CHD1L: variants seen among roughly 807,000 people sequenced by gnomAD.
CHD1L encodes the protein chromodomain helicase DNA binding protein 1 like.
Under a neutral mutation model 115.9 loss-of-function variants are expected in CHD1L, and 118 were observed. The ratio of observed to expected loss-of-function variants is 1.02; its 90% CI spans 0.88 to 1.19. The LOEUF is 1.19. Among genes scored for constraint, CHD1L ranks in the 50% most tolerant of loss-of-function variants. The probability of loss-of-function intolerance (pLI) is 0.00; values close to 1 mark genes in which losing one functional copy is unlikely to be tolerated. For missense variants in CHD1L, 1,179 were observed against 1,065.3 expected, an observed-to-expected ratio of 1.11 and a Z score of -1.49; for synonymous variants, 411 against 387.1, an observed-to-expected ratio of 1.06 and a Z score of -0.72.
intron 15 of CHD1L, among the ~76,000 whole-genome samples, chr1:147,280,676 AG>A (rs1553961401): frequency 6.6e-6 from 1 of 152,166 alleles, no homozygotes; most frequent in African/African-American, 2.4e-5. Flanking sequence ...CATGAGATGT[AG>A]GAGATGGTTT....
the CHD1L span, chr1:147,210,262 T>C: frequency 2.0e-5 from 3 of 152,212 alleles, no homozygotes; most frequent in African/African-American, 4.8e-5. Context: ...AAAATAAGAT[T>C]GCTAGTGGAA....
At chr1:147,197,467 C>T in the CHD1L span, among the ~76,000 whole-genome samples, 4 of 152,076 alleles carry the variant, frequency 2.6e-5, no homozygotes, top group Non-Finnish European at 5.9e-5. Flanking sequence ...TTTTGGGTCC[C>T]ACAATCCCCA....
the CHD1L span, among the ~76,000 whole-genome samples, chr1:147,206,235 T>C: frequency 1.3e-5 from 2 of 150,488 alleles, no homozygotes; most frequent in African/African-American, 2.5e-5. Context: ...TCACACCAGT[T>C]AGAATGGCGA....
Position 147,255,812 on chromosome 1 carries a change from G to T in CHD1L, c.348-1G>T. The stretch of plus-strand genomic sequence containing the variant: ...TTATCTACTTCTTTTCTTGGATTCA[G>T]ATTTGCTCCAGGTCTTTCCTGTGTA... On this transcript the variant is annotated splice_acceptor_variant, in intron 3 of 22. Transcript: ENST00000369258. LOFTEE classifies it high-confidence loss of function. 6.2e-7 allele frequency: 1 copy of T among 1,600,350 alleles called. No homozygotes were observed. The highest frequency in any genetic ancestry group is 1.7e-5 in the Admixed American group (1 of 58,024).
the CHD1L span, chr1:147,203,570 A>C: frequency 9.9e-7 from 1 of 1,007,640 alleles, no homozygotes; most frequent in East Asian, 2.4e-5. Context: ...TCTCCAGAGT[A>C]TTTCTGCCAG....
chr1:147,223,378 G>T, the CHD1L span, among the ~76,000 whole-genome samples: 3 of 152,188 alleles, frequency 2.0e-5, no homozygotes, highest in African/African-American at 7.2e-5. Flanking sequence ...GGTGCAAAAG[G>T]ATTGTATTTC....
chr1:147,252,759 T>C, intron 2 of CHD1L, 24 bp downstream of exon 2: 1 of 1,535,978 alleles, frequency 6.5e-7, no homozygotes, highest in Non-Finnish European at 9.0e-7. Context: ...CGACGAGTAC[T>C]GCTCACCGCC....
At chr1:147,213,386 C>T in the CHD1L span, 2 of 1,613,828 alleles carry the variant, frequency 1.2e-6, no homozygotes, top group Non-Finnish European at 1.7e-6. Flanking sequence ...ACATTCATCT[C>T]CTTTTTCCCT....
chr1:147,285,168 A>G (rs1682569205), intron 16 of CHD1L, among the ~76,000 whole-genome samples, 156 bp from the exon 17 acceptor site: 1 of 152,182 alleles, frequency 6.6e-6, no homozygotes, highest in Admixed American at 6.5e-5. Flanking sequence ...AGTGCCTCCA[A>G]GTGCTTTGCC....
the CHD1L span, chr1:147,178,135 C>A: frequency 6.2e-7 from 1 of 1,603,174 alleles, no homozygotes; most frequent in Non-Finnish European, 8.5e-7. Flanking sequence ...CCGCCCAGCG[C>A]TGTTCCCGGG....
chr1:147,204,724 G>C, the CHD1L span: 3 of 1,504,164 alleles, frequency 2.0e-6, no homozygotes, highest in Non-Finnish European at 2.8e-6. Flanking sequence ...TAAAATAGTC[G>C]CTGCATCATT....
chr1:147,238,783 G>A (rs1259599618), upstream of CHD1L, among the ~76,000 whole-genome samples: 1 of 152,140 alleles, frequency 6.6e-6, no homozygotes, highest in African/African-American at 2.4e-5. Context: ...AATATTTATT[G>A]AGGGCATACT....
chr1:147,190,294 G>A, the CHD1L span: 2 of 1,169,330 alleles, frequency 1.7e-6, no homozygotes, highest in Admixed American at 1.8e-5. Flanking sequence ...TACCTCAGAA[G>A]GAACAATAAT....
the CHD1L span, chr1:147,174,884 T>C: frequency 6.6e-6 from 1 of 152,208 alleles, no homozygotes; most frequent in African/African-American, 2.4e-5. Context: ...GTGTCTAGGA[T>C]GTCATTGCCA....
At position 147,266,039 on chromosome 1, in the gene CHD1L, T is replaced by G. The variant is rs587737412; in HGVS notation, c.847T>G (p.Ser283Ala). 1 of 1,613,696 alleles carries G rather than the reference T, an allele frequency of 6.2e-7. No individual in the cohort carries two copies. Among genetic ancestry groups the G allele is most frequent in the Non-Finnish European group, 8.5e-7 (1 of 1,179,764 alleles). Residue 283 changes from serine (S) to alanine (A), a missense_variant, in exon 8 of 23, where the codon TCA (serine) becomes GCA (alanine). By Grantham distance (99) the Ser-to-Ala change is moderately conservative (BLOSUM62 1). Coordinates refer to ENST00000369258, the MANE Select transcript of CHD1L (RefSeq NM_004284.6). The stretch of plus-strand genomic sequence containing the variant: ...AGAAGTAGTGATATACCATGGCATG[T>G]CAGCATTGCAGAAGAAATACTACAA... ...KTEVVIYHGMSALQKKYYKAI... is the reference protein window; with the variant it reads ...KTEVVIYHGMAALQKKYYKAI...
rs1553949388 is a variant in CHD1L at position 147,267,505 on chromosome 1, A to G, written c.975A>G (p.Pro325=). Residue 325 remains proline (P), a synonymous_variant, in exon 9 of 23, where the codon CCA becomes CCG. Coordinates refer to ENST00000369258, the MANE Select transcript of CHD1L (RefSeq NM_004284.6). ...AGCTTCGAAAGTGTGTGGATCACCCATATTTGTTTGATGGTGAGACAGTGC... is the reference window on the plus strand; with the variant it reads ...AGCTTCGAAAGTGTGTGGATCACCCGTATTTGTTTGATGGTGAGACAGTGC... ...LSQLRKCVDH[P]YLFDGVEPEP... The G allele has an allele frequency of 2.5e-6, 4 of 1,611,688 alleles. No individual in the cohort carries two copies. Among genetic ancestry groups the G allele is most frequent in the Non-Finnish European group, 3.4e-6 (4 of 1,178,716 alleles).
At chr1:147,179,853 T>G in the CHD1L span, among the ~76,000 whole-genome samples, 1 of 151,882 alleles carries the variant, frequency 6.6e-6, no homozygotes, top group African/African-American at 2.4e-5. Context: ...ATTATTGGTG[T>G]TGGGGGAAAT....
intron 14 of CHD1L, among the ~76,000 whole-genome samples, chr1:147,278,408 A>G (rs1256114287): frequency 1.3e-5 from 2 of 151,510 alleles, no homozygotes; most frequent in African/African-American, 2.4e-5. Context: ...CATTTTTAGT[A>G]GAGACGGGGT....
chr1:147,233,172 A>G, the CHD1L span, among the ~76,000 whole-genome samples: 4 of 145,644 alleles, frequency 2.7e-5, no homozygotes, highest in East Asian at 6.4e-4. Flanking sequence ...GAGGTGAAGA[A>G]CGTCTCTGCC....
Sources: allele counts gnomAD v4.1 joint callset (sites outside exome capture counted in the v4.1 genomes callset), GRCh38; gene constraint gnomAD v4.1.1; transcripts MANE v1.5; gene names NCBI Gene and HGNC (gene_info 2026-07-23, HGNC 2026-07-21).